The following GNRHR variants were observed in gnomAD, a reference collection of about 807,000 sequenced individuals.
GNRHR encodes gonadotropin-releasing hormone receptor.
In GNRHR, 14 loss-of-function variants were observed where a neutral mutation model predicts 28.1. That is an observed-to-expected ratio of 0.50 (90% confidence interval 0.33 to 0.78). The LOEUF is 0.78. GNRHR is among the 30% of genes least tolerant of loss of function. The pLI is 0.02. For synonymous variants in GNRHR, 141 were observed against 140.5 expected, an observed-to-expected ratio of 1.00 and a Z score of -0.02; for missense variants, 366 against 382.1, an observed-to-expected ratio of 0.96 and a Z score of 0.35.
chr4:67,748,268 T>C (rs1349547621), intron 1 of GNRHR, among the ~76,000 whole-genome samples: 1 of 152,080 alleles, frequency 6.6e-6, no homozygotes, highest in Non-Finnish European at 1.5e-5. Flanking sequence ...GTGCTTCAGT[T>C]TCCTCATCTA....
rs555225443 is a variant in GNRHR, at chr4:67,739,178, C to G, written c.*1302G>C. 3.3e-5 allele frequency: 5 copies of G among 151,864 alleles called. No homozygotes were observed. The highest frequency in any genetic ancestry group is 7.4e-5 in the Non-Finnish European group (5 of 67,852). The allele number at this position is 151,864 out of a possible 1,614,324, so 9.4% of individuals were successfully genotyped here. On this transcript the variant is annotated 3_prime_UTR_variant, in exon 3 of 3. Transcript: ENST00000226413. ...TATTATACTCCCATTATTTTCATCC[C>G]TTTCCATTTTTCATGGAAGAGGTAG... is the stretch of plus-strand genomic sequence containing the variant.
At chr4:67,744,483 C>T in intron 2 of GNRHR, 85 bp downstream of exon 2, 2 of 794,692 alleles carry the variant, frequency 2.5e-6, no homozygotes. Flanking sequence ...AGAACAGTAT[C>T]TGTCACATAG....
intron 2 of GNRHR, among the ~76,000 whole-genome samples, chr4:67,741,973 T>G (rs1393013081): frequency 3.9e-5 from 6 of 152,228 alleles, no homozygotes; most frequent in Admixed American, 6.5e-5. Context: ...ATGGACAGAT[T>G]GTGAAGATTT....
At chr4:67,746,894 G>A (rs1302968056) in intron 1 of GNRHR, among the ~76,000 whole-genome samples, 1 of 151,944 alleles carries the variant, frequency 6.6e-6, no homozygotes, top group African/African-American at 2.4e-5. Context: ...ATCCACTAGA[G>A]GGCGTCTAAT....
Position 67,753,920 on chromosome 4 carries a change from C to G in GNRHR, c.416G>C (p.Arg139Pro). ...TAGGGGCCTCGTGATAGCCAGGGAG[C>G]GGTCCAGGCTGATCACCACCATCAT... ...AFMMVVISLD[R>P]SLAITRPLAL... Residue 139 changes from arginine to proline, a missense_variant, in exon 1 of 3, where the codon CGC (arginine) becomes CCC (proline). Coordinates refer to ENST00000226413, the MANE Select transcript of GNRHR (RefSeq NM_000406.3). 1 of 1,613,080 alleles carries G rather than the reference C, an allele frequency of 6.2e-7. No homozygotes were observed.
intron 1 of GNRHR, 87 bp downstream of exon 1, chr4:67,753,727 G>A (rs1399739490): frequency 8.9e-7 from 1 of 1,126,038 alleles, no homozygotes; most frequent in East Asian, 2.5e-5. Flanking sequence ...AGGTAATACA[G>A]TACTTCCTTT....
chr4:67,743,562 A>C (rs1470737870), intron 2 of GNRHR, among the ~76,000 whole-genome samples: 8 of 152,162 alleles, frequency 5.3e-5, no homozygotes, highest in Admixed American at 5.2e-4. Flanking sequence ...TAATCAAATA[A>C]ATAAAATAAT....
At chr4:67,750,348 A>G (rs1404502187) in intron 1 of GNRHR, among the ~76,000 whole-genome samples, 1 of 152,122 alleles carries the variant, frequency 6.6e-6, no homozygotes, top group Non-Finnish European at 1.5e-5. Context: ...GAGCAGCTCC[A>G]CTTATATCTG....
At chr4:67,744,826 T>C (rs1731726815) in intron 1 of GNRHR, 39 bp from the exon 2 acceptor site, 2 of 1,223,550 alleles carry the variant, frequency 1.6e-6, no homozygotes, top group Non-Finnish European at 2.4e-6. Flanking sequence ...CTTTTTTCCA[T>C]ATGGTATTTG....
At chr4:67,742,729 C>G (rs2109982357) in intron 2 of GNRHR, among the ~76,000 whole-genome samples, 1 of 152,160 alleles carries the variant, frequency 6.6e-6, no homozygotes, top group South Asian at 2.1e-4. Flanking sequence ...TTGAGGGAAA[C>G]AGATAGTGCT....
At position 67,740,205 on chromosome 4, in the gene GNRHR, G is replaced by T; in HGVS notation, c.*275C>A. On this transcript the variant is annotated 3_prime_UTR_variant, in exon 3 of 3. Transcript: ENST00000226413. ...GTACATTATTATGCAAAGAGAAAGT[G>T]ATAAGAAACCTACATAATGTGTTAT... 1 of 346,846 alleles carries T rather than the reference G, an allele frequency of 2.9e-6. No individual in the cohort carries two copies. The highest frequency in any genetic ancestry group is 5.4e-6 in the Non-Finnish European group (1 of 186,268). 21.5% of individuals were successfully genotyped at this position (346,846 alleles called of 1,614,324 possible). A position where few individuals can be genotyped will look rare whatever the true frequency, so the allele number is the denominator to read the frequency against.
chr4:67,743,940 A>G (rs1731707812), intron 2 of GNRHR, among the ~76,000 whole-genome samples: 1 of 152,236 alleles, frequency 6.6e-6, no homozygotes, highest in South Asian at 2.1e-4. Flanking sequence ...GATATAACTT[A>G]TGCACTATGT....
intron 1 of GNRHR, among the ~76,000 whole-genome samples, chr4:67,749,284 C>G (rs2109985666): frequency 6.6e-6 from 1 of 152,238 alleles, no homozygotes; most frequent in South Asian, 2.1e-4. Flanking sequence ...ACACTAAGGA[C>G]TAAGGAGTGG....
intron 1 of GNRHR, chr4:67,753,548 CTTTA>C (rs887863773): frequency 6.4e-6 from 3 of 466,438 alleles, no homozygotes; most frequent in East Asian, 3.7e-5. Flanking sequence ...ATGTGAGCTA[CTTTA>C]TTTATTTATT....
chr4:67,744,696 C>G lies in GNRHR; in HGVS notation c.614G>C (p.Trp205Ser). ...AAAGTTATAAAATGCTTGATGCCAC[C>G]ATTGTGAAAAACTGCAGTGTGTTAC... ...QCVTHCSFSQ[W>S]WHQAFYNFFT... is the part of the protein sequence containing the mutation. Residue 205 changes from tryptophan (W) to serine (S), a missense_variant, in exon 2 of 3, where the codon TGG (tryptophan) becomes TCG (serine). Trp to Ser is a radical substitution (Grantham distance 177, BLOSUM62 -3). Coordinates refer to ENST00000226413, the MANE Select transcript of GNRHR (RefSeq NM_000406.3). 6.2e-7 allele frequency: 1 copy of G among 1,611,954 alleles called. No individual in the cohort carries two copies. The highest frequency in any genetic ancestry group is 8.5e-7 in the Non-Finnish European group (1 of 1,178,006).
Position 67,739,883 on chromosome 4 carries a change from G to C in GNRHR, c.*597C>G, listed in dbSNP as rs960736276. 2 of 152,950 alleles carry C rather than the reference G, an allele frequency of 1.3e-5. No homozygotes were observed. The highest frequency in any genetic ancestry group is 4.8e-5 in the African/African-American group (2 of 41,442). The allele number at this position is 152,950 out of a possible 1,614,324, so 9.5% of individuals were successfully genotyped here. ...AGGAGAACTACTCATAGTCTTGTCA[G>C]GTTGCTGGAGTGGTTGGTGGGATTG... is the stretch of plus-strand genomic sequence containing the variant. On this transcript the variant is annotated 3_prime_UTR_variant, in exon 3 of 3. Transcript: ENST00000226413.
At chr4:67,750,278 A>G (rs1226679481) in intron 1 of GNRHR, among the ~76,000 whole-genome samples, 1 of 152,060 alleles carries the variant, frequency 6.6e-6, no homozygotes, top group Non-Finnish European at 1.5e-5. Flanking sequence ...AGTAACTGTG[A>G]CTGAGAGCTA....
chr4:67,744,470 C>G (rs1372015244), intron 2 of GNRHR, 98 bp downstream of exon 2: 1 of 760,914 alleles, frequency 1.3e-6, no homozygotes, highest in Non-Finnish European at 2.4e-6. Context: ...ATGCAAACTG[C>G]TTAGAACAGT....
intron 1 of GNRHR, among the ~76,000 whole-genome samples, chr4:67,748,778 A>G (rs938418633): frequency 2.0e-5 from 3 of 151,498 alleles, no homozygotes; most frequent in African/African-American, 7.2e-5. Flanking sequence ...TAAAAAAAAA[A>G]GAGCTGGCTA....
Sources: gnomAD v4.1 joint callset for allele counts (sites outside exome capture counted in the v4.1 genomes callset) on GRCh38, gnomAD v4.1.1 for gene constraint, MANE v1.5 for transcripts, NCBI Gene and HGNC (gene_info 2026-07-23, HGNC 2026-07-21) for gene names.